MON2: variants seen among roughly 807,000 people sequenced by gnomAD.
MON2 encodes the protein MON2 regulator of endosome-to-Golgi trafficking, also known as protein MON2 homolog.
MON2 carries 84 observed loss-of-function variants against 208.6 expected under a neutral mutation model. The observed-to-expected ratio is 0.40, with a 90% CI of 0.34 to 0.48. The LOEUF is 0.48. MON2 is among the 20% of genes least tolerant of loss of function. The pLI is 0.59. For synonymous variants in MON2, 660 were observed against 694.0 expected (o/e 0.95, Z 0.77); for missense variants, 1,611 against 2,015.4 (o/e 0.80, Z 3.84).
At chr12:62,538,209 A>G (rs1318324468) in intron 17 of MON2, 33 bp downstream of exon 17, 38 of 1,610,318 alleles carry the variant, frequency 2.4e-5, no homozygotes, top group Non-Finnish European at 3.2e-5. Flanking sequence ...CAATTAGTGC[A>G]TCCCAAAGTG....
rs920626731 is a variant in MON2, at chr12:62,596,393, G to C, written c.*3644G>C. The C allele has an allele frequency of 2.0e-5, 3 of 152,202 alleles. No individual in the cohort carries two copies. The highest frequency in any genetic ancestry group is 7.2e-5 in the African/African-American group (3 of 41,444). 9.4% of individuals were successfully genotyped at this position (152,202 alleles called of 1,614,324 possible). ...TCCCTAACTGTGCCACCCTTGGAAT[G>C]GGTTAGTGTACAGGCTCAGAATATT... On this transcript the variant is annotated 3_prime_UTR_variant, in exon 35 of 35. Transcript: ENST00000393630.
intron 32 of MON2, among the ~76,000 whole-genome samples, chr12:62,583,984 AAAAC>A (rs1475590803): frequency 6.6e-6 from 1 of 151,456 alleles, no homozygotes; most frequent in Non-Finnish European, 1.5e-5. Context: ...ACAAAAAAAA[AAAAC>A]AGACAGTGGA....
chr12:62,514,433 C>T (rs968172544), intron 8 of MON2, among the ~76,000 whole-genome samples: 18 of 152,228 alleles, frequency 1.2e-4, no homozygotes, highest in Non-Finnish European at 2.5e-4. Context: ...ACTTACAGTT[C>T]CACATGGCTG....
intron 34 of MON2, among the ~76,000 whole-genome samples, chr12:62,589,821 T>C (rs1256574854): frequency 1.3e-5 from 2 of 151,974 alleles, no homozygotes; most frequent in Non-Finnish European, 2.9e-5. Flanking sequence ...AACTCTTTTT[T>C]ACAAAGCCAA....
chr12:62,579,825 G>A (rs2074937443), intron 31 of MON2, among the ~76,000 whole-genome samples: 1 of 152,158 alleles, frequency 6.6e-6, no homozygotes, highest in Admixed American at 6.5e-5. Context: ...TAAAGCTCTT[G>A]TGGACTTTAA....
Position 62,566,393 on chromosome 12 carries a change from A to C in MON2, c.4266A>C (p.Gln1422His), listed in dbSNP as rs2074386683. The stretch of plus-strand genomic sequence containing the variant: ...TAGAAGTAGTTGTGGATTTATACCA[A>C]AAAACAGCGTGTCACAAAGCAGTGG... ...RSLEVVVDLY[Q>H]KTACHKAVVN... is the part of the protein sequence containing the mutation. Residue 1422 changes from glutamine to histidine, a missense_variant, in exon 29 of 35, where the codon CAA becomes CAC. By Grantham distance (24) the Gln-to-His change is conservative. Transcript: ENST00000393630. 6.2e-7 allele frequency: 1 copy of C among 1,613,658 alleles called. No individual in the cohort carries two copies. Among genetic ancestry groups the C allele is most frequent in the African/African-American group, 1.3e-5 (1 of 74,902 alleles).
chr12:62,497,685 G>T (rs1293389515), intron 4 of MON2, among the ~76,000 whole-genome samples: 1 of 151,956 alleles, frequency 6.6e-6, no homozygotes, highest in Non-Finnish European at 1.5e-5. Context: ...CGCAATTTTG[G>T]CTCACTGCAA....
intron 4 of MON2, among the ~76,000 whole-genome samples, chr12:62,497,365 G>A (rs75732202): frequency 0.032 from 4,930 of 152,124 alleles, 287 homozygotes; most frequent in African/African-American, 0.11. Context: ...TGGACAAATG[G>A]TTTCAACAGA....
intron 1 of MON2, chr12:62,482,253 C>G (rs1016640293): frequency 6.6e-6 from 1 of 152,106 alleles, no homozygotes. Context: ...TGTTTTGCAC[C>G]AAAATTTATG....
chr12:62,585,276 A>C lies in MON2; in HGVS notation c.4700-18A>C, dbSNP rs1245362303. The C allele has an allele frequency of 6.3e-7, 1 of 1,579,338 alleles. No individual in the cohort carries two copies. Among genetic ancestry groups the C allele is most frequent in the East Asian group, 2.2e-5 (1 of 44,642 alleles). On this transcript the variant is annotated intron_variant, in intron 32 of 34. Coordinates refer to ENST00000393630, the MANE Select transcript of MON2 (RefSeq NM_015026.3). ...TGATTTAACTTCTATTAACCATCAAAATTTGTTAATTTTACAGAAGCAGAG... is the reference window on the plus strand; with the variant it reads ...TGATTTAACTTCTATTAACCATCAACATTTGTTAATTTTACAGAAGCAGAG...
chr12:62,467,243 G>A lies in MON2; in HGVS notation c.36G>A (p.Lys12=), dbSNP rs2068559165. ...CCAGCAGCCCCGAGGCGGTGAAGAA[G>A]CTGCTGGAGAATATGCAGAGCGACT... The part of the protein sequence containing the change: ...SGTSSPEAVK[K]LLENMQSDLR... The change falls in exon 1 of 35, where the codon AAG becomes AAA. Residue 12 remains lysine (K), a synonymous_variant. Transcript: ENST00000393630. 6.2e-7 allele frequency: 1 copy of A among 1,613,910 alleles called. No homozygotes were observed. The highest frequency in any genetic ancestry group is 1.3e-5 in the African/African-American group (1 of 75,062).
chr12:62,480,131 G>C (rs1314532248), intron 1 of MON2, among the ~76,000 whole-genome samples: 1 of 152,170 alleles, frequency 6.6e-6, no homozygotes, highest in Non-Finnish European at 1.5e-5. Context: ...GTAGAAACTT[G>C]TATGTTAAAA....
rs932499850 is a variant in MON2, at chr12:62,597,206, C to G, written c.*4457C>G. 1 of 151,956 alleles carries G rather than the reference C, an allele frequency of 6.6e-6. No individual in the cohort carries two copies. The highest frequency in any genetic ancestry group is 1.5e-5 in the Non-Finnish European group (1 of 67,984). 9.4% of individuals were successfully genotyped at this position (151,956 alleles called of 1,614,324 possible). A position where few individuals can be genotyped will look rare whatever the true frequency, so the allele number is the denominator to read the frequency against. On this transcript the variant is annotated 3_prime_UTR_variant, in exon 35 of 35. Transcript: ENST00000393630. ...ATTTTTCTTCCTTTTTCTTGGACAT[C>G]ACTTTCTTCCCTCCCCTTCTCTCTT... is the stretch of plus-strand genomic sequence containing the variant.
chr12:62,578,431 T>G lies in MON2; in HGVS notation c.4515-14T>G, dbSNP rs2074872740. On this transcript the variant is annotated splice_polypyrimidine_tract_variant and intron_variant, in intron 30 of 34. Coordinates refer to ENST00000393630, the MANE Select transcript of MON2 (RefSeq NM_015026.3). ...ATATTTTATCTTTAAAAATCAAGTG[T>G]TTTTTTTTTTTAGCATACCTCCAGA... is the stretch of plus-strand genomic sequence containing the variant. 2 of 716,438 alleles carry G rather than the reference T, an allele frequency of 2.8e-6. No individual in the cohort carries two copies. The highest frequency in any genetic ancestry group is 3.8e-6 in the Non-Finnish European group (2 of 530,982). 44.4% of individuals were successfully genotyped at this position (716,438 alleles called of 1,614,324 possible).
intron 1 of MON2, chr12:62,470,745 G>C: frequency 8.8e-7 from 1 of 1,140,516 alleles, no homozygotes; most frequent in Non-Finnish European, 1.1e-6. Context: ...TTGGAGGAGG[G>C]GAGTCATTCC....
chr12:62,552,228 A>T (rs1232540846), intron 23 of MON2, among the ~76,000 whole-genome samples: 1 of 152,096 alleles, frequency 6.6e-6, no homozygotes, highest in Non-Finnish European at 1.5e-5. Context: ...ACGGATACCG[A>T]GGGACAACTG....
chr12:62,489,580 TCTC>T (rs1262017112), intron 2 of MON2, among the ~76,000 whole-genome samples: 1 of 152,084 alleles, frequency 6.6e-6, no homozygotes, highest in African/African-American at 2.4e-5. Flanking sequence ...AGGATGACCT[TCTC>T]CTTCTACATA....
At chr12:62,540,113 C>T (rs2073167719) in intron 19 of MON2, among the ~76,000 whole-genome samples, 1 of 151,998 alleles carries the variant, frequency 6.6e-6, no homozygotes, top group Non-Finnish European at 1.5e-5. Flanking sequence ...TAATAAAGTA[C>T]CTTAATGAAA....
chr12:62,575,885 C>T lies in MON2; in HGVS notation c.4515-2560C>T, dbSNP rs111573194. Among the ~76,000 whole-genome samples, 16 of 152,204 alleles carry T rather than the reference C, an allele frequency of 1.1e-4. 1 individual carries two copies. The highest frequency in any genetic ancestry group is 2.9e-4 in the African/African-American group (12 of 41,556). On this transcript the variant is annotated intron_variant, in intron 30 of 34. Transcript: ENST00000393630. Reference sequence around the variant, plus strand: ...AAACATGGTAGTTATAAAGGAGACACAATGGGTGAGTGGGAAGTTACACAA... The same window carrying T: ...AAACATGGTAGTTATAAAGGAGACATAATGGGTGAGTGGGAAGTTACACAA...
Sources: gnomAD v4.1 joint callset for allele counts (sites outside exome capture counted in the v4.1 genomes callset) on GRCh38, gnomAD v4.1.1 for gene constraint, MANE v1.5 for transcripts, NCBI Gene and HGNC (gene_info 2026-07-23, HGNC 2026-07-21) for gene names.